Variants in BTRC observed in about 807,000 individuals in gnomAD.
The protein encoded by BTRC is beta-transducin repeat containing E3 ubiquitin protein ligase, also known as F-box/WD repeat-containing protein 1A.
Under a neutral mutation model 85.5 loss-of-function variants are expected in BTRC, and 42 were observed. The ratio of observed to expected loss-of-function variants is 0.49; its 90% CI spans 0.38 to 0.64. The LOEUF (loss-of-function observed/expected upper bound fraction) is 0.64, where lower values mean the gene tolerates loss of function less well. Among genes scored for constraint, BTRC ranks in the 30% least tolerant of loss-of-function variants. BTRC has a pLI of 0.00. For synonymous variants in BTRC, 255 were observed against 263.3 expected (o/e 0.97, Z 0.30); for missense variants, 594 against 743.5 (o/e 0.80, Z 2.34).
chr10:101,530,756 A>C (rs2062267786), intron 6 of BTRC, among the ~76,000 whole-genome samples: 2 of 152,224 alleles, frequency 1.3e-5, no homozygotes, highest in Admixed American at 6.5e-5. Flanking sequence ...AGAGCCCAGA[A>C]GGTTACTCTT....
intron 4 of BTRC, among the ~76,000 whole-genome samples, chr10:101,486,136 T>C (rs1004564506): frequency 6.6e-6 from 1 of 152,188 alleles, no homozygotes; most frequent in Non-Finnish European, 1.5e-5. Context: ...AAATTACTGC[T>C]AACGCTCAGA....
intron 4 of BTRC, among the ~76,000 whole-genome samples, chr10:101,507,366 G>T (rs1057335084): frequency 4.6e-5 from 7 of 152,190 alleles, no homozygotes. Context: ...AATTTGCCAG[G>T]GGGTGAAGTT....
chr10:101,524,181 A>G (rs2062158436), intron 5 of BTRC, among the ~76,000 whole-genome samples: 1 of 152,216 alleles, frequency 6.6e-6, no homozygotes, highest in South Asian at 2.1e-4. Flanking sequence ...TAACCACTAT[A>G]AAAACTGAAT....
At chr10:101,427,701 A>T (rs988515379) in intron 1 of BTRC, among the ~76,000 whole-genome samples, 1 of 150,890 alleles carries the variant, frequency 6.6e-6, no homozygotes, top group South Asian at 2.1e-4. Context: ...GCTATTTTTT[A>T]AATTTTTTGT....
intron 4 of BTRC, among the ~76,000 whole-genome samples, chr10:101,515,464 T>C (rs1174617264): frequency 6.6e-6 from 1 of 152,116 alleles, no homozygotes; most frequent in Non-Finnish European, 1.5e-5. Flanking sequence ...AAAATTTCCC[T>C]CAGCAATGTT....
At chr10:101,359,737 A>G (rs900229394) in intron 1 of BTRC, among the ~76,000 whole-genome samples, 2 of 151,758 alleles carry the variant, frequency 1.3e-5, no homozygotes, top group African/African-American at 4.8e-5. Flanking sequence ...TGTAGCTGGG[A>G]TTACAGGCAT....
chr10:101,356,159 C>A (rs969006639), intron 1 of BTRC, among the ~76,000 whole-genome samples: 3 of 152,184 alleles, frequency 2.0e-5, no homozygotes, highest in Non-Finnish European at 4.4e-5. Context: ...TGGGCCACCA[C>A]GCCCATCTAA....
chr10:101,458,838 T>C (rs1945147104), intron 2 of BTRC, among the ~76,000 whole-genome samples: 1 of 152,372 alleles, frequency 6.6e-6, no homozygotes, highest in East Asian at 1.9e-4. Context: ...TGGCATCTGC[T>C]GGATTTCTCC....
intron 4 of BTRC, among the ~76,000 whole-genome samples, chr10:101,494,643 A>G (rs1311625353): frequency 6.6e-6 from 1 of 152,120 alleles, no homozygotes; most frequent in African/African-American, 2.4e-5. Flanking sequence ...AGCTGGTTTT[A>G]TACACGTATT....
At position 101,481,857 on chromosome 10, in the gene BTRC, C is replaced by T. The variant is rs74233232; in HGVS notation, c.324+2400C>T. On this transcript the variant is annotated intron_variant, in intron 4 of 14. Transcript: ENST00000370187. The stretch of plus-strand genomic sequence containing the variant: ...ATTTCCTATTGGAACCCAGTTAAAT[C>T]ACTGGTTCCTTTTATTGGCCCACAT... Among the ~76,000 whole-genome samples the T allele has an allele frequency of 8.5e-3, 1,296 of 152,270 alleles. 67 individuals are homozygous for T. The highest frequency in any genetic ancestry group is 0.074 in the Admixed American group (1,135 of 15,282).
At chr10:101,498,729 G>A (rs7899520) in intron 4 of BTRC, among the ~76,000 whole-genome samples, 1,852 of 152,196 alleles carry the variant, frequency 0.012, 43 homozygotes, top group African/African-American at 0.042. Context: ...GGTGGTTCAC[G>A]CCTGTATTCC....
At chr10:101,416,097 CACA>C (rs1943939381) in intron 1 of BTRC, among the ~76,000 whole-genome samples, 1 of 152,152 alleles carries the variant, frequency 6.6e-6, no homozygotes, top group Non-Finnish European at 1.5e-5. Context: ...TGTTAAGTGT[CACA>C]TGACTGTATT....
At chr10:101,518,167 C>T (rs1225957209) in intron 4 of BTRC, among the ~76,000 whole-genome samples, 2 of 152,124 alleles carry the variant, frequency 1.3e-5, no homozygotes, top group Non-Finnish European at 2.9e-5. Context: ...CCGCCTCGGC[C>T]TCCCAAAGTG....
intron 2 of BTRC, among the ~76,000 whole-genome samples, chr10:101,448,718 AG>A (rs1944888172): frequency 6.6e-6 from 1 of 152,168 alleles, no homozygotes; most frequent in East Asian, 1.9e-4. Context: ...TTACAGCAGA[AG>A]TTACAGATTA....
chr10:101,387,611 C>T (rs1943117692), intron 1 of BTRC, among the ~76,000 whole-genome samples: 1 of 140,916 alleles, frequency 7.1e-6, no homozygotes, highest in Non-Finnish European at 1.5e-5. Context: ...ACTGCAACCT[C>T]TGCCTCCTGG....
At position 101,354,217 on chromosome 10, in the gene BTRC, C is replaced by G. The variant is rs1408160078; in HGVS notation, c.37C>G (p.Leu13Val). 4 of 1,549,200 alleles carry G rather than the reference C, an allele frequency of 2.6e-6. No homozygotes were observed. Among genetic ancestry groups the G allele is most frequent in the South Asian group, 1.2e-5 (1 of 83,970 alleles). Reference sequence around the variant, plus strand: ...CGAGGCGGTGCTGCAAGAGAAGGCACTCAAGTTTATGGTGAGGAGACGGTG... The same window carrying G: ...CGAGGCGGTGCTGCAAGAGAAGGCAGTCAAGTTTATGGTGAGGAGACGGTG... The part of the protein sequence containing the change: ...PAEAVLQEKA[L>V]KFMCSMPRSL... The change falls in exon 1 of 15, where the codon CTC becomes GTC. Residue 13 changes from leucine to valine, a missense_variant. Physicochemically the swap from Leu to Val is conservative, Grantham distance 32. Around this residue, in one of 4 missense-constraint regions of BTRC, gnomAD observed 163 missense variants for 180.5 expected, o/e 0.90. Transcript: ENST00000370187.
intron 1 of BTRC, among the ~76,000 whole-genome samples, chr10:101,366,949 T>TATATATTA (rs1491182903): frequency 0.012 from 481 of 39,378 alleles, 17 homozygotes; most frequent in Non-Finnish European, 0.016. Context: ...TATATATATT[T>TATATATTA]ATATATATAT....
intron 12 of BTRC, 62 bp downstream of exon 12, chr10:101,536,715 ATGGTGT>A: frequency 7.8e-7 from 1 of 1,277,236 alleles, no homozygotes; most frequent in Non-Finnish European, 1.1e-6. Flanking sequence ...CCTTATGTTT[ATGGTGT>A]TAAACATAAC....
intron 3 of BTRC, among the ~76,000 whole-genome samples, chr10:101,474,387 A>G (rs1169824136): frequency 6.6e-6 from 1 of 152,194 alleles, no homozygotes; most frequent in Non-Finnish European, 1.5e-5. Context: ...TGGAAAGCCT[A>G]AGATGTTATT....
Sources: allele counts gnomAD v4.1 joint callset (sites outside exome capture counted in the v4.1 genomes callset), GRCh38; gene constraint gnomAD v4.1.1; regional missense constraint gnomAD v4.1.1; transcripts MANE v1.5; gene names NCBI Gene and HGNC (gene_info 2026-07-23, HGNC 2026-07-21).